The following PSD3 variants were observed in gnomAD, a reference collection of about 807,000 sequenced individuals.
PSD3 encodes the protein PH and SEC7 domain-containing protein 3.
PSD3 carries 49 observed loss-of-function variants against 105.5 expected under a neutral mutation model. That is an observed-to-expected ratio of 0.46 (90% CI 0.37 to 0.59). PSD3 has a LOEUF of 0.59. PSD3 is among the 20% of genes least tolerant of loss of function. PSD3 has a pLI of 0.00. For synonymous variants in PSD3, 557 were observed against 457.8 expected, an observed-to-expected ratio of 1.22 and a Z score of -2.77; for missense variants, 1,561 against 1,263.8, an observed-to-expected ratio of 1.24 and a Z score of -3.57.
intron 8 of PSD3, among the ~76,000 whole-genome samples, chr8:18,776,526 G>C (rs554095036): frequency 6.6e-6 from 1 of 151,870 alleles, no homozygotes; most frequent in South Asian, 2.1e-4. Context: ...TGGGACTACA[G>C]GCCACCACAC....
chr8:18,779,132 C>T (rs938909681), intron 8 of PSD3, among the ~76,000 whole-genome samples: 1 of 152,138 alleles, frequency 6.6e-6, no homozygotes, highest in African/African-American at 2.4e-5. Flanking sequence ...AGTTTCATTA[C>T]TCATTATTGA....
chr8:18,923,576 T>G (rs112931477), intron 2 of PSD3, among the ~76,000 whole-genome samples: 2 of 152,208 alleles, frequency 1.3e-5, no homozygotes, highest in Non-Finnish European at 2.9e-5. Flanking sequence ...TGTGTTACAA[T>G]TGCCCACAGT....
chr8:18,896,704 T>C (rs1324769923), intron 2 of PSD3, among the ~76,000 whole-genome samples: 1 of 152,154 alleles, frequency 6.6e-6, no homozygotes, highest in Admixed American at 6.5e-5. Context: ...TGCACCACCA[T>C]GCCTGGCCTC....
At chr8:18,798,195 T>G (rs767772799) in intron 8 of PSD3, among the ~76,000 whole-genome samples, 29 of 152,310 alleles carry the variant, frequency 1.9e-4, no homozygotes, top group Non-Finnish European at 2.9e-5. Context: ...CAAGAATGCT[T>G]CCTGAAAGTA....
rs1056781689 is a variant in PSD3 at position 18,655,781 on chromosome 8, G to A, written c.2173-96C>T. On this transcript the variant is annotated intron_variant, in intron 9 of 15. Transcript: ENST00000327040. Reference sequence around the variant, plus strand: ...CAAGTAATTCCTTCATAAAAGGATAGGCACGAAGCCCCCCTTGTCAGTCAC... The same window carrying A: ...CAAGTAATTCCTTCATAAAAGGATAAGCACGAAGCCCCCCTTGTCAGTCAC... 27 of 1,178,916 alleles carry A rather than the reference G, an allele frequency of 2.3e-5. 2 individuals are homozygous for A. Among genetic ancestry groups the A allele is most frequent in the Non-Finnish European group, 3.3e-5 (26 of 799,138 alleles). 73.0% of individuals were successfully genotyped at this position (1,178,916 alleles called of 1,614,324 possible). A position where few individuals can be genotyped will look rare whatever the true frequency, so the allele number is the denominator to read the frequency against.
intron 1 of PSD3, among the ~76,000 whole-genome samples, chr8:19,049,112 C>A (rs1203726660): frequency 6.6e-6 from 1 of 152,270 alleles, no homozygotes; most frequent in Admixed American, 6.5e-5. Flanking sequence ...CTAATGACCT[C>A]ATTTTACCTT....
chr8:18,607,216 G>A (rs762403851), intron 11 of PSD3, among the ~76,000 whole-genome samples: 16 of 152,176 alleles, frequency 1.1e-4, no homozygotes, highest in Non-Finnish European at 2.4e-4. Context: ...CATGACTACA[G>A]ATCTCAGAAC....
At chr8:19,063,094 G>C (rs925458070) in intron 1 of PSD3, among the ~76,000 whole-genome samples, 1 of 152,220 alleles carries the variant, frequency 6.6e-6, no homozygotes, top group African/African-American at 2.4e-5. Flanking sequence ...GTTTCTAACT[G>C]TTATTTCAAA....
At chr8:19,039,328 T>C (rs906004617) in intron 1 of PSD3, among the ~76,000 whole-genome samples, 1 of 152,170 alleles carries the variant, frequency 6.6e-6, no homozygotes, top group African/African-American at 2.4e-5. Context: ...GGGCTTCAGT[T>C]TTTCATTCTA....
chr8:18,812,925 GA>G (rs1223543148), intron 4 of PSD3, among the ~76,000 whole-genome samples: 2 of 152,114 alleles, frequency 1.3e-5, no homozygotes, highest in African/African-American at 4.8e-5. Flanking sequence ...CTAAAGAGAG[GA>G]ACAACAATCA....
chr8:18,771,425 T>C (rs745787064), intron 8 of PSD3, among the ~76,000 whole-genome samples: 12 of 152,224 alleles, frequency 7.9e-5, no homozygotes, highest in Non-Finnish European at 1.2e-4. Flanking sequence ...TAAGAAATCA[T>C]TGCCTAATCC....
At chr8:18,952,173 G>A (rs1457853627) in intron 1 of PSD3, among the ~76,000 whole-genome samples, 1 of 152,138 alleles carries the variant, frequency 6.6e-6, no homozygotes, top group East Asian at 1.9e-4. Flanking sequence ...CAATTTCATA[G>A]TTTTAAAGAC....
intron 8 of PSD3, chr8:18,774,968 G>A (rs1291104760): frequency 2.2e-6 from 1 of 456,128 alleles, no homozygotes; most frequent in African/African-American, 2.0e-5. Flanking sequence ...AAAGAGAAAA[G>A]TGCCCATTAA....
At chr8:18,591,039 A>G (rs948471488) in intron 12 of PSD3, among the ~76,000 whole-genome samples, 1 of 152,214 alleles carries the variant, frequency 6.6e-6, no homozygotes, top group Non-Finnish European at 1.5e-5. Context: ...CCATCTCCCC[A>G]ATAAAAATAT....
At chr8:19,066,843 C>T (rs887278039) in intron 1 of PSD3, among the ~76,000 whole-genome samples, 5 of 152,182 alleles carry the variant, frequency 3.3e-5, no homozygotes, top group East Asian at 1.9e-4. Flanking sequence ...CACTTCTGGC[C>T]GGAAGCTTTT....
At chr8:18,908,662 T>C (rs770769719) in intron 2 of PSD3, among the ~76,000 whole-genome samples, 2 of 152,200 alleles carry the variant, frequency 1.3e-5, no homozygotes, top group Non-Finnish European at 2.9e-5. Context: ...AAACAAGTCA[T>C]CTGTTCATGA....
rs867878704 is a variant in PSD3, at chr8:18,556,280, G to C, written c.2857C>G (p.Pro953Ala). The change falls in exon 15 of 16, where the codon CCC (proline) becomes GCC (alanine). Residue 953 changes from proline to alanine, a missense_variant. Pro to Ala is a conservative substitution (Grantham distance 27). Transcript: ENST00000327040. ...TTGGCTTTGACCTTCTTGTCGGGGG[G>C]ATATGAGCGGTGCTCGGCCAGCTCG... ...TTELAEHRSY[P>A]PDKKVKAKDV... The C allele has an allele frequency of 1.2e-6, 2 of 1,613,864 alleles. No individual in the cohort carries two copies. The highest frequency in any genetic ancestry group is 1.7e-6 in the Non-Finnish European group (2 of 1,179,978).
At chr8:18,797,879 T>C (rs988650873) in intron 8 of PSD3, among the ~76,000 whole-genome samples, 2 of 152,164 alleles carry the variant, frequency 1.3e-5, no homozygotes, top group East Asian at 1.9e-4. Flanking sequence ...GTGAAGGGAA[T>C]TCTTCACGCT....
chr8:18,741,953 T>C (rs1804614768), intron 9 of PSD3, among the ~76,000 whole-genome samples: 1 of 152,208 alleles, frequency 6.6e-6, no homozygotes, highest in East Asian at 1.9e-4. Flanking sequence ...GGTCAACCAG[T>C]AATGTATACT....
Sources: allele counts gnomAD v4.1 joint callset (sites outside exome capture counted in the v4.1 genomes callset), GRCh38; gene constraint gnomAD v4.1.1; transcripts MANE v1.5; gene names NCBI Gene and HGNC (gene_info 2026-07-23, HGNC 2026-07-21).